ROBO1: variants seen among roughly 807,000 people sequenced by gnomAD.
ROBO1 encodes the protein roundabout homolog 1.
A neutral mutation model predicts 195.9 loss-of-function variants in ROBO1; 149 were observed. The ratio of observed to expected loss-of-function variants is 0.76; its 90% CI spans 0.67 to 0.87. The LOEUF is 0.87. Ranked by LOEUF, ROBO1 falls within the 40% of genes least tolerant of loss-of-function variation. ROBO1 has a pLI of 0.00. For missense variants in ROBO1, 1,933 were observed against 2,068.3 expected (o/e 0.93, Z 1.27); for synonymous variants, 816 against 733.2 (o/e 1.11, Z -1.82).
At chr3:78,624,788 T>C (rs567341880) in intron 26 of ROBO1, among the ~76,000 whole-genome samples, 61 of 151,986 alleles carry the variant, frequency 4.0e-4, no homozygotes, top group Admixed American at 1.2e-3. Flanking sequence ...CAGACTCTTA[T>C]GAAGAGTAAA....
chr3:78,728,804 G>A (rs1378041234), intron 5 of ROBO1, among the ~76,000 whole-genome samples: 3 of 152,200 alleles, frequency 2.0e-5, no homozygotes, highest in Non-Finnish European at 4.4e-5. Context: ...GTGGAATTGA[G>A]AGGAAAAATA....
intron 4 of ROBO1, among the ~76,000 whole-genome samples, chr3:78,886,481 C>A (rs1310729885): frequency 1.3e-5 from 2 of 152,074 alleles, no homozygotes; most frequent in African/African-American, 4.8e-5. Flanking sequence ...GTAATCCCAG[C>A]TACTCAGGTG....
intron 7 of ROBO1, 71 bp downstream of exon 7, chr3:78,717,204 G>A: frequency 6.9e-7 from 1 of 1,450,954 alleles, no homozygotes; most frequent in East Asian, 2.4e-5. Context: ...TGGCCCGGAT[G>A]TGGAGATGAT....
chr3:79,638,469 C>T (rs941285110), intron 1 of ROBO1, among the ~76,000 whole-genome samples: 2 of 152,130 alleles, frequency 1.3e-5, no homozygotes, highest in African/African-American at 4.8e-5. Context: ...CGGCTCACTG[C>T]AACCTCTGCC....
intron 2 of ROBO1, among the ~76,000 whole-genome samples, chr3:79,266,328 C>T (rs770616796): frequency 2.0e-4 from 30 of 151,480 alleles, no homozygotes; most frequent in Non-Finnish European, 4.0e-4. Context: ...ACTAAAAGGA[C>T]AGCAAAATGG....
intron 1 of ROBO1, among the ~76,000 whole-genome samples, chr3:79,695,834 G>T (rs1576243993): frequency 6.6e-6 from 1 of 151,450 alleles, no homozygotes; most frequent in East Asian, 1.9e-4. Flanking sequence ...AGTGTATAAG[G>T]CATTTTGTGT....
intron 3 of ROBO1, among the ~76,000 whole-genome samples, chr3:78,976,803 CAT>C (rs1372572175): frequency 1.3e-5 from 2 of 152,130 alleles, no homozygotes; most frequent in African/African-American, 4.8e-5. Flanking sequence ...AATTAAAGCA[CAT>C]GAGATAACCC....
At chr3:79,708,441 T>G (rs1322926129) in intron 1 of ROBO1, among the ~76,000 whole-genome samples, 1 of 152,210 alleles carries the variant, frequency 6.6e-6, no homozygotes, top group Non-Finnish European at 1.5e-5. Flanking sequence ...TATAAATTTG[T>G]ATGCTTTTCT....
At chr3:78,921,849 C>A (rs1011871095) in intron 4 of ROBO1, among the ~76,000 whole-genome samples, 1 of 151,038 alleles carries the variant, frequency 6.6e-6, no homozygotes, top group Admixed American at 6.6e-5. Context: ...TGCAGTGGCA[C>A]GATCTCAGTT....
chr3:79,523,286 G>A (rs1054253102), intron 2 of ROBO1, among the ~76,000 whole-genome samples: 5 of 151,538 alleles, frequency 3.3e-5, no homozygotes, highest in Non-Finnish European at 7.4e-5. Flanking sequence ...TCTATGTGAG[G>A]TAATGTATTT....
At chr3:79,388,365 A>ATCTC (rs139191515) in intron 2 of ROBO1, among the ~76,000 whole-genome samples, 1 of 151,208 alleles carries the variant, frequency 6.6e-6, no homozygotes, top group Non-Finnish European at 1.5e-5. Context: ...CTGTTATAGT[A>ATCTC]TCTCTCTCTC....
chr3:79,430,349 G>A (rs1374323351), intron 2 of ROBO1, among the ~76,000 whole-genome samples: 2 of 152,038 alleles, frequency 1.3e-5, no homozygotes, highest in Non-Finnish European at 2.9e-5. Context: ...ACATTTATAA[G>A]GATGCAGACA....
chr3:79,172,729 T>C (rs2081189621), intron 2 of ROBO1, among the ~76,000 whole-genome samples: 1 of 152,152 alleles, frequency 6.6e-6, no homozygotes, highest in African/African-American at 2.4e-5. Context: ...CACTGCATTA[T>C]TGACTAAACT....
chr3:79,469,362 G>A (rs1018096819), intron 2 of ROBO1, among the ~76,000 whole-genome samples: 10 of 152,278 alleles, frequency 6.6e-5, no homozygotes, highest in African/African-American at 2.2e-4. Flanking sequence ...TTATGATTAG[G>A]TTAGAAGCCA....
At chr3:79,634,436 T>A (rs941914103) in intron 1 of ROBO1, among the ~76,000 whole-genome samples, 3 of 152,126 alleles carry the variant, frequency 2.0e-5, no homozygotes, top group Non-Finnish European at 4.4e-5. Context: ...CTGCCAACAT[T>A]CAACAGTCTT....
Position 78,938,834 on chromosome 3 carries a change from C to T in ROBO1, c.266G>A (p.Cys89Tyr). 1 of 1,614,014 alleles carries T rather than the reference C, an allele frequency of 6.2e-7. No homozygotes were observed. Among genetic ancestry groups the T allele is most frequent in the Non-Finnish European group, 8.5e-7 (1 of 1,179,886 alleles). ...VSKGEPATLN[C>Y]KAEGRPTPTI... ...GGGTGTGGGGCGGCCTTCAGCTTTG[C>T]AGTTCAAAGTTGCAGGTTCTCCTTT... The change falls in exon 4 of 31, where the codon TGC becomes TAC. Residue 89 changes from cysteine to tyrosine, a missense_variant. Coordinates refer to ENST00000464233, the MANE Select transcript of ROBO1 (RefSeq NM_002941.4).
rs148471838 is a variant in ROBO1, at chr3:79,644,458, G to A, written c.-50-54497C>T. Reference sequence around the variant, plus strand: ...CATGTGGCTGGGGAAGCCTCACAATGATGGCAGAAGGCAAAAAGCAGCAAG... The same window carrying A: ...CATGTGGCTGGGGAAGCCTCACAATAATGGCAGAAGGCAAAAAGCAGCAAG... On this transcript the variant is annotated intron_variant, in intron 1 of 30. Coordinates refer to ENST00000464233, the MANE Select transcript of ROBO1 (RefSeq NM_002941.4). 2.6e-3 allele frequency among the ~76,000 whole-genome samples: 390 copies of A among 152,258 alleles called. 5 individuals carry two copies. Among genetic ancestry groups the A allele is most frequent in the African/African-American group, 8.2e-3 (339 of 41,550 alleles).
intron 2 of ROBO1, among the ~76,000 whole-genome samples, chr3:79,530,204 T>C (rs774527005): frequency 1.3e-5 from 2 of 152,216 alleles, no homozygotes; most frequent in South Asian, 2.1e-4. Flanking sequence ...TAATATTACA[T>C]TTTATTTCTG....
intron 8 of ROBO1, among the ~76,000 whole-genome samples, chr3:78,709,893 A>C (rs2081640535): frequency 6.6e-6 from 1 of 152,210 alleles, no homozygotes; most frequent in South Asian, 2.1e-4. Context: ...CTTCCATTTC[A>C]ATAACACTCC....
Sources: gnomAD v4.1 joint callset for allele counts (sites outside exome capture counted in the v4.1 genomes callset) on GRCh38, gnomAD v4.1.1 for gene constraint, MANE v1.5 for transcripts, NCBI Gene and HGNC (gene_info 2026-07-23, HGNC 2026-07-21) for gene names.